The following MDFIC2 variants were observed in gnomAD, a reference collection of about 807,000 sequenced individuals.
The protein encoded by MDFIC2 is myoD family inhibitor domain-containing protein 2.
chr3:70,274,790 C>T (rs939430663), intron 2 of MDFIC2, among the ~76,000 whole-genome samples: 4 of 152,064 alleles, frequency 2.6e-5, no homozygotes, highest in African/African-American at 9.7e-5. Flanking sequence ...AAGGAAACTT[C>T]CAAATTGAAT....
chr3:70,251,875 G>C (rs1701772694), intron 2 of MDFIC2, among the ~76,000 whole-genome samples: 1 of 150,612 alleles, frequency 6.6e-6, no homozygotes, highest in Non-Finnish European at 1.5e-5. Flanking sequence ...ATAAATGCTT[G>C]TTGTTATTTG....
At chr3:70,303,036 T>A (rs1702365731) in intron 2 of MDFIC2, among the ~76,000 whole-genome samples, 1 of 152,176 alleles carries the variant, frequency 6.6e-6, no homozygotes. Context: ...ATCAAAATGA[T>A]TTTGACATTT....
intron 2 of MDFIC2, among the ~76,000 whole-genome samples, chr3:70,218,715 G>C (rs908956164): frequency 3.3e-5 from 5 of 152,046 alleles, no homozygotes; most frequent in Non-Finnish European, 7.4e-5. Flanking sequence ...GTCACTTAAA[G>C]CCTACAAGAG....
rs1383915020 is a variant in MDFIC2, at chr3:70,196,727, GC to G, written c.*198del. On this transcript the variant is annotated 3_prime_UTR_variant, in exon 4 of 4. Coordinates refer to ENST00000567252, the MANE Select transcript of MDFIC2 (RefSeq NM_001364677.1). ...GATCAAGAATCTTATTTTTCAGTGA[GC>G]CATGCGGTTGTGAAATTTGGAATAA... Among the ~76,000 whole-genome samples, 1 of 152,140 alleles carries G rather than the reference GC, an allele frequency of 6.6e-6. No individual in the cohort carries two copies. The highest frequency in any genetic ancestry group is 1.5e-5 in the Non-Finnish European group (1 of 68,036).
At chr3:70,285,308 T>C (rs1702148768) in intron 2 of MDFIC2, among the ~76,000 whole-genome samples, 1 of 150,374 alleles carries the variant, frequency 6.7e-6, no homozygotes, top group South Asian at 2.1e-4. Flanking sequence ...ATATGTGGTG[T>C]TTGGTTTTTT....
intron 2 of MDFIC2, among the ~76,000 whole-genome samples, chr3:70,285,693 A>G (rs1301297039): frequency 4.0e-5 from 6 of 149,572 alleles, no homozygotes; most frequent in Admixed American, 2.0e-4. Context: ...AAGTGTTCCT[A>G]TTTCTCCACA....
At chr3:70,230,892 C>G (rs1165727067) in intron 2 of MDFIC2, among the ~76,000 whole-genome samples, 1 of 152,124 alleles carries the variant, frequency 6.6e-6, no homozygotes, top group African/African-American at 2.4e-5. Flanking sequence ...CTTAACAAAC[C>G]CAGCTCTGTT....
At chr3:70,292,349 A>G (rs1485249136) in intron 2 of MDFIC2, among the ~76,000 whole-genome samples, 1 of 152,140 alleles carries the variant, frequency 6.6e-6, no homozygotes, top group Non-Finnish European at 1.5e-5. Context: ...ATTACTATAC[A>G]TATCTTGTTG....
intron 2 of MDFIC2, among the ~76,000 whole-genome samples, chr3:70,298,762 C>G (rs1403080): frequency 0.013 from 2,014 of 152,150 alleles, 32 homozygotes; most frequent in African/African-American, 0.045. Context: ...TCTTGGTTAG[C>G]CATCTTCAAG....
In MDFIC2 at chr3:70,270,722, C is replaced by T. The variant is rs1232215374; in HGVS notation, c.88+41164G>A. ...TATGCAGCCATAAAAAGGACGAGTT[C>T]ATGTCCTTTGCCAGGACACGGTTGA... On this transcript the variant is annotated intron_variant, in intron 2 of 3. Transcript: ENST00000567252. Among the ~76,000 whole-genome samples the T allele has an allele frequency of 4.6e-5, 7 of 152,156 alleles. No individual in the cohort carries two copies. The East Asian group carries it at 1.3e-3, about 29-fold the overall frequency.
At chr3:70,212,545 T>C (rs954121220) in intron 2 of MDFIC2, among the ~76,000 whole-genome samples, 2 of 152,146 alleles carry the variant, frequency 1.3e-5, no homozygotes, top group African/African-American at 4.8e-5. Context: ...TGTCTGCTTT[T>C]TCATTTCCAT....
chr3:70,289,203 G>T (rs1471821986), intron 2 of MDFIC2, among the ~76,000 whole-genome samples: 2 of 150,134 alleles, frequency 1.3e-5, no homozygotes, highest in Non-Finnish European at 3.0e-5. Flanking sequence ...GGTACCGGTT[G>T]TTCCTTTCCA....
intron 2 of MDFIC2, among the ~76,000 whole-genome samples, chr3:70,277,041 A>C (rs1307727061): frequency 1.3e-5 from 2 of 152,100 alleles, no homozygotes; most frequent in African/African-American, 2.4e-5. Flanking sequence ...ATGGATAATT[A>C]CCAAATTTGA....
At chr3:70,224,255 C>T (rs144029320) in intron 2 of MDFIC2, among the ~76,000 whole-genome samples, 129 of 152,286 alleles carry the variant, frequency 8.5e-4, no homozygotes, top group East Asian at 2.3e-3. Context: ...TCTACATGCA[C>T]CTGACATGTT....
chr3:70,310,479 C>A (rs1272654462), intron 2 of MDFIC2, among the ~76,000 whole-genome samples: 1 of 152,050 alleles, frequency 6.6e-6, no homozygotes, highest in Non-Finnish European at 1.5e-5. Flanking sequence ...GATTATCCTG[C>A]CTCAGCCTCC....
At chr3:70,306,004 T>C (rs1035565691) in intron 2 of MDFIC2, among the ~76,000 whole-genome samples, 1 of 152,218 alleles carries the variant, frequency 6.6e-6, no homozygotes, top group African/African-American at 2.4e-5. Context: ...ATAACCAGTG[T>C]ATTCAAGGTG....
At chr3:70,250,336 T>G (rs1219880959) in intron 2 of MDFIC2, among the ~76,000 whole-genome samples, 1 of 152,036 alleles carries the variant, frequency 6.6e-6, no homozygotes, top group Admixed American at 6.6e-5. Flanking sequence ...AGCGACATTT[T>G]TTAGGTAATT....
At chr3:70,249,968 C>T (rs532987787) in intron 2 of MDFIC2, among the ~76,000 whole-genome samples, 1 of 152,302 alleles carries the variant, frequency 6.6e-6, no homozygotes, top group East Asian at 1.9e-4. Flanking sequence ...ATTAGATCCA[C>T]TAGCCTAGCT....
intron 2 of MDFIC2, among the ~76,000 whole-genome samples, chr3:70,242,462 T>A (rs1374316753): frequency 1.3e-5 from 2 of 152,172 alleles, no homozygotes; most frequent in Non-Finnish European, 2.9e-5. Flanking sequence ...CCCATGACCA[T>A]CCTTTGGGGC....
Sources: gnomAD v4.1 joint callset for allele counts (sites outside exome capture counted in the v4.1 genomes callset) on GRCh38, gnomAD v4.1.1 for gene constraint, MANE v1.5 for transcripts, NCBI Gene and HGNC (gene_info 2026-07-23, HGNC 2026-07-21) for gene names.